TTC13: variants seen among roughly 807,000 people sequenced by gnomAD.
TTC13 encodes the protein tetratricopeptide repeat protein 13.
A neutral mutation model predicts 120.0 loss-of-function variants in TTC13; 62 were observed. That is an observed-to-expected ratio of 0.52 (90% CI 0.42 to 0.64). The LOEUF (loss-of-function observed/expected upper bound fraction) is 0.64, where lower values mean the gene tolerates loss of function less well. Ranked by LOEUF, TTC13 falls within the 30% of genes least tolerant of loss-of-function variation. TTC13 has a pLI of 0.00. For missense variants in TTC13, 824 were observed against 1,050.2 expected (o/e 0.78, Z 2.98); for synonymous variants, 384 against 393.5 (o/e 0.98, Z 0.28).
At chr1:230,928,313 T>A (rs1384456055) in intron 12 of TTC13, among the ~76,000 whole-genome samples, 1 of 152,230 alleles carries the variant, frequency 6.6e-6, no homozygotes, top group Non-Finnish European at 1.5e-5. Context: ...CAATTAAGTT[T>A]TGTGATCTCC....
Position 230,930,665 on chromosome 1 carries a change from A to G in TTC13, c.1300+633T>C, listed in dbSNP as rs545231948. Among the ~76,000 whole-genome samples the G allele has an allele frequency of 8.5e-5, 13 of 152,354 alleles. 1 individual carries two copies. In the South Asian group the frequency reaches 2.1e-3, roughly 24 times the overall value. ...CTGGGCGTGGTGGCTCACGCCTGTA[A>G]TCCCAGCACTTTGGGAGGCCGAGGC... On this transcript the variant is annotated intron_variant, in intron 11 of 22. Transcript: ENST00000366661.
At chr1:230,911,408 G>T in intron 20 of TTC13, 62 bp downstream of exon 20, 1 of 1,284,286 alleles carries the variant, frequency 7.8e-7, no homozygotes, top group Non-Finnish European at 1.1e-6. Flanking sequence ...TAACAGGAAG[G>T]ATAAGCAAAA....
At chr1:230,932,120 G>A (rs1673614406) in intron 9 of TTC13, among the ~76,000 whole-genome samples, 1 of 152,062 alleles carries the variant, frequency 6.6e-6, no homozygotes. Flanking sequence ...ATTTCCAAAG[G>A]CAGACGCTTA....
intron 8 of TTC13, among the ~76,000 whole-genome samples, chr1:230,935,958 AG>A (rs1183004557): frequency 6.6e-6 from 1 of 152,080 alleles, no homozygotes; most frequent in Non-Finnish European, 1.5e-5. Flanking sequence ...GGGAGAAGAA[AG>A]GGTAGGAAGC....
At position 230,978,757 on chromosome 1, in the gene TTC13, C is replaced by G. The variant is rs1214240655; in HGVS notation, c.74G>C (p.Arg25Pro). ...CCCCAGCAGCAGCAGCAGCAGGACA[C>G]GCCGGGCGGCGCCCGCGGCGGCCAC... The part of the protein sequence containing the change: ...GAVAAAGAAR[R>P]VLLLLLLGVL... The change falls in exon 1 of 23, where the codon CGT (arginine) becomes CCT (proline). Residue 25 changes from arginine (R) to proline (P), a missense_variant. Transcript: ENST00000366661. This position sits in a 1 kb window ranked among gnomAD's most constrained non-coding sequence, Gnocchi z 5.6. The G allele has an allele frequency of 3.3e-6, 5 of 1,499,310 alleles. No individual in the cohort carries two copies. The highest frequency in any genetic ancestry group is 4.4e-6 in the Non-Finnish European group (5 of 1,134,028). The allele number at this position is 1,499,310 out of a possible 1,614,324, so 92.9% of individuals were successfully genotyped here.
At chr1:230,943,921 A>G in intron 5 of TTC13, 23 bp from the exon 6 acceptor site, 1 of 1,569,942 alleles carries the variant, frequency 6.4e-7, no homozygotes, top group Non-Finnish European at 8.7e-7. Context: ...TTAGCTTAGT[A>G]TGAGACATAC....
intron 1 of TTC13, among the ~76,000 whole-genome samples, chr1:230,968,659 C>G (rs995251027): frequency 6.6e-6 from 1 of 151,964 alleles, no homozygotes; most frequent in African/African-American, 2.4e-5. Flanking sequence ...GGGTCACGGT[C>G]TAAAGGATAC....
chr1:230,939,584 A>T, intron 7 of TTC13, 88 bp from the exon 8 acceptor site: 2 of 767,836 alleles, frequency 2.6e-6, no homozygotes, highest in South Asian at 2.0e-5. Context: ...GAGAAAAAAA[A>T]TCTCAATTCA....
chr1:230,961,795 A>G (rs1676658883), intron 1 of TTC13, among the ~76,000 whole-genome samples: 1 of 152,198 alleles, frequency 6.6e-6, no homozygotes, highest in South Asian at 2.1e-4. Flanking sequence ...CTCAGGACAC[A>G]TGTGGAACTA....
chr1:230,963,728 C>T (rs1015245433), intron 1 of TTC13, among the ~76,000 whole-genome samples: 1 of 151,794 alleles, frequency 6.6e-6, no homozygotes, highest in East Asian at 1.9e-4. Flanking sequence ...AGGGGTATTC[C>T]GGATAGGACG....
Position 230,908,751 on chromosome 1 carries a change from G to T in TTC13, c.2429C>A (p.Ala810Asp), listed in dbSNP as rs755739316. The T allele has an allele frequency of 5.0e-6, 8 of 1,613,568 alleles. No individual in the cohort carries two copies. The highest frequency in any genetic ancestry group is 6.8e-6 in the Non-Finnish European group (8 of 1,179,616). The change falls in exon 22 of 23, where the codon GCC (alanine) becomes GAC (aspartate). Residue 810 changes from alanine (A) to aspartate (D), a missense_variant. This residue lies in a region of TTC13 where 226 missense variants were observed against 259.1 expected (regional missense o/e 0.87). Transcript: ENST00000366661. The part of the protein sequence containing the change: ...FEAMTAPGSE[A>D]FSKVAKSWMN... ...CCAGCTTTTGGCGACTTTGCTAAAG[G>T]CCTCTGAACCAGGGGCTGTCATAGC...
chr1:230,953,498 T>G lies in TTC13; in HGVS notation c.513+835A>C, dbSNP rs114592901. The stretch of plus-strand genomic sequence containing the variant: ...TATGTGCCAGGCACTGGGTACTAAG[T>G]ACTTTAATAGGACATTTCATTTAAA... On this transcript the variant is annotated intron_variant, in intron 4 of 22. Coordinates refer to ENST00000366661, the MANE Select transcript of TTC13 (RefSeq NM_024525.5). Among the ~76,000 whole-genome samples the G allele has an allele frequency of 4.2e-3, 637 of 152,316 alleles. 6 individuals carry two copies. Among genetic ancestry groups the G allele is most frequent in the African/African-American group, 0.015 (607 of 41,574 alleles).
Position 230,917,663 on chromosome 1 carries a change from C to A in TTC13, c.1984-1361G>T, listed in dbSNP as rs16853170. Among the ~76,000 whole-genome samples, 987 of 152,206 alleles carry A rather than the reference C, an allele frequency of 6.5e-3. 11 individuals are homozygous for A. Among genetic ancestry groups the A allele is most frequent in the African/African-American group, 0.022 (931 of 41,534 alleles). On this transcript the variant is annotated intron_variant, in intron 17 of 22. Coordinates refer to ENST00000366661, the MANE Select transcript of TTC13 (RefSeq NM_024525.5). ...GAACAAACATCTTACATCTTTCAGA[C>A]AACAGTTGGTGATTTCACACCGAGA...
At chr1:230,973,921 C>G (rs892664701) in intron 1 of TTC13, among the ~76,000 whole-genome samples, 1 of 151,960 alleles carries the variant, frequency 6.6e-6, no homozygotes, top group East Asian at 1.9e-4. Flanking sequence ...ACTAAAAATA[C>G]AAAAAATTAG....
At chr1:230,943,416 T>C (rs1323886341) in intron 6 of TTC13, among the ~76,000 whole-genome samples, 1 of 152,090 alleles carries the variant, frequency 6.6e-6, no homozygotes, top group Non-Finnish European at 1.5e-5. Flanking sequence ...AAATGATGAG[T>C]TCATGTCCTT....
chr1:230,906,515 CTTTGAAAA>C lies in TTC13; in HGVS notation c.*382_*389del, dbSNP rs1481255182. ...ATCACAATGTGCGTAAAAAGCAAGT[CTTTGAAAA>C]ATATCCAGATCTCTAAAGGAATACA... On this transcript the variant is annotated 3_prime_UTR_variant, in exon 23 of 23. Transcript: ENST00000366661. 302 of 152,984 alleles carry C rather than the reference CTTTGAAAA, an allele frequency of 2.0e-3. 3 individuals are homozygous for C. Among genetic ancestry groups the C allele is most frequent in the African/African-American group, 6.8e-3 (284 of 41,558 alleles). 9.5% of individuals were successfully genotyped at this position (152,984 alleles called of 1,614,324 possible).
chr1:230,958,596 C>G (rs566232600), intron 2 of TTC13, among the ~76,000 whole-genome samples: 8 of 152,212 alleles, frequency 5.3e-5, no homozygotes, highest in African/African-American at 1.7e-4. Context: ...AAGGGTGTTA[C>G]TGATGATATA....
intron 1 of TTC13, among the ~76,000 whole-genome samples, chr1:230,965,734 C>T (rs1167778463): frequency 1.3e-5 from 2 of 152,320 alleles, no homozygotes; most frequent in Middle Eastern, 3.4e-3. Flanking sequence ...TGCAGTGGCA[C>T]GATCTCGGCT....
chr1:230,955,772 G>A (rs566735504), intron 3 of TTC13, among the ~76,000 whole-genome samples: 2 of 151,702 alleles, frequency 1.3e-5, no homozygotes, highest in Admixed American at 1.3e-4. Context: ...AGTTCAAATT[G>A]AACACCATAA....
Sources: gnomAD v4.1 joint callset for allele counts (sites outside exome capture counted in the v4.1 genomes callset) on GRCh38, gnomAD v4.1.1 for gene constraint, gnomAD v4.1.1 regional missense constraint, Gnocchi (gnomAD v3.1) non-coding constraint, MANE v1.5 for transcripts, NCBI Gene and HGNC (gene_info 2026-07-23, HGNC 2026-07-21) for gene names.